Variants in SUCLG2 observed in about 807,000 individuals in gnomAD.
The protein encoded by SUCLG2 is succinate--CoA ligase [GDP-forming] subunit beta, mitochondrial.
SUCLG2 carries 42 observed loss-of-function variants against 47.9 expected under a neutral mutation model. That is an observed-to-expected ratio of 0.88 (90% CI 0.69 to 1.14). The LOEUF (loss-of-function observed/expected upper bound fraction) is 1.14, where lower values mean the gene tolerates loss of function less well. SUCLG2 is among the 50% of genes most tolerant of loss of function. The probability of loss-of-function intolerance (pLI) is 0.00; values close to 1 mark genes in which losing one functional copy is unlikely to be tolerated. For synonymous variants in SUCLG2, 195 were observed against 197.3 expected (o/e 0.99, Z 0.10); for missense variants, 571 against 525.9 (o/e 1.09, Z -0.84).
At chr3:67,408,175 A>G (rs924352240) in intron 9 of SUCLG2, among the ~76,000 whole-genome samples, 11 of 152,162 alleles carry the variant, frequency 7.2e-5, no homozygotes, top group African/African-American at 2.7e-4. Context: ...TACCTTTGGT[A>G]TATTCTTGGA....
chr3:67,388,319 A>G (rs1702303331), intron 10 of SUCLG2, among the ~76,000 whole-genome samples: 2 of 152,216 alleles, frequency 1.3e-5, no homozygotes, highest in Admixed American at 1.3e-4. Context: ...AAAAAGCAAG[A>G]GAGCTTTGGA....
intron 9 of SUCLG2, among the ~76,000 whole-genome samples, chr3:67,464,387 T>C (rs1704419007): frequency 6.6e-6 from 1 of 152,232 alleles, no homozygotes; most frequent in Non-Finnish European, 1.5e-5. Flanking sequence ...CGCTTTTTGA[T>C]CTGGCATTTC....
chr3:67,400,290 G>C (rs1290786196), intron 10 of SUCLG2, among the ~76,000 whole-genome samples: 1 of 151,542 alleles, frequency 6.6e-6, no homozygotes, highest in Admixed American at 6.6e-5. Flanking sequence ...TATTTTTTAA[G>C]AGTTATTTTT....
chr3:67,510,288 T>C (rs1386452413), intron 6 of SUCLG2, among the ~76,000 whole-genome samples: 3 of 152,374 alleles, frequency 2.0e-5, no homozygotes, highest in Admixed American at 6.5e-5. Flanking sequence ...GCTATCTTAA[T>C]GTATTTTATA....
chr3:67,518,225 C>T, intron 6 of SUCLG2, 22 bp downstream of exon 6: 1 of 1,583,208 alleles, frequency 6.3e-7, no homozygotes, highest in Non-Finnish European at 8.6e-7. Context: ...TCAGACACAC[C>T]ATCCCCCAAT....
chr3:67,528,321 C>A, intron 3 of SUCLG2, 99 bp from the exon 4 acceptor site: 1 of 1,032,358 alleles, frequency 9.7e-7, no homozygotes, highest in South Asian at 1.4e-5. Flanking sequence ...GCAAAGGGTT[C>A]ACCTTCACCC....
chr3:67,589,658 G>T (rs190991360), intron 2 of SUCLG2, among the ~76,000 whole-genome samples: 1 of 152,324 alleles, frequency 6.6e-6, no homozygotes, highest in Admixed American at 6.5e-5. Context: ...TCAAGATGGG[G>T]CCTTCCAAGG....
intron 2 of SUCLG2, among the ~76,000 whole-genome samples, chr3:67,605,260 C>T (rs1700388445): frequency 6.6e-6 from 1 of 152,154 alleles, no homozygotes; most frequent in South Asian, 2.1e-4. Context: ...TTCAATCGTG[C>T]TCTTGGTTCT....
intron 1 of SUCLG2, among the ~76,000 whole-genome samples, chr3:67,619,826 GATAAAC>G (rs1445613283): frequency 6.6e-6 from 1 of 152,114 alleles, no homozygotes; most frequent in East Asian, 1.9e-4. Flanking sequence ...ATACAACCTT[GATAAAC>G]ATTAGCATAT....
At chr3:67,633,197 T>C (rs1202545727) in intron 1 of SUCLG2, among the ~76,000 whole-genome samples, 3 of 152,178 alleles carry the variant, frequency 2.0e-5, no homozygotes, top group South Asian at 2.1e-4. Flanking sequence ...TTTAAGGTTA[T>C]TCAAAAGGAC....
intron 1 of SUCLG2, among the ~76,000 whole-genome samples, chr3:67,646,500 C>G (rs939737742): frequency 7.9e-5 from 12 of 151,990 alleles, no homozygotes; most frequent in Non-Finnish European, 1.3e-4. Flanking sequence ...GAGGCTGAGT[C>G]AGGAGAATCA....
At chr3:67,381,885 G>A (rs951709055) in intron 10 of SUCLG2, among the ~76,000 whole-genome samples, 60 of 152,304 alleles carry the variant, frequency 3.9e-4, no homozygotes, top group African/African-American at 1.4e-3. Flanking sequence ...TAAGAGAGCT[G>A]TAAACAAAGA....
chr3:67,645,084 A>G (rs528947985), intron 1 of SUCLG2, among the ~76,000 whole-genome samples: 152 of 152,194 alleles, frequency 1.0e-3, no homozygotes, highest in Non-Finnish European at 1.7e-3. Context: ...TATACTGCCA[A>G]TATTAAGCAA....
intron 2 of SUCLG2, among the ~76,000 whole-genome samples, chr3:67,596,019 T>C (rs904705614): frequency 6.6e-6 from 1 of 152,240 alleles, no homozygotes. Flanking sequence ...ATTTTGTAAA[T>C]GTGCCATTGG....
chr3:67,414,573 A>G (rs1702996392), intron 9 of SUCLG2, among the ~76,000 whole-genome samples: 1 of 152,192 alleles, frequency 6.6e-6, no homozygotes, highest in South Asian at 2.1e-4. Context: ...TTGCTACACA[A>G]TCTATCCAAT....
chr3:67,514,597 C>A (rs1030324107), intron 6 of SUCLG2, among the ~76,000 whole-genome samples: 3 of 152,112 alleles, frequency 2.0e-5, no homozygotes, highest in African/African-American at 7.2e-5. Context: ...CAGAAATGAA[C>A]AGTATAGATG....
At chr3:67,432,902 A>T (rs1481360388) in intron 9 of SUCLG2, among the ~76,000 whole-genome samples, 1 of 152,228 alleles carries the variant, frequency 6.6e-6, no homozygotes, top group Non-Finnish European at 1.5e-5. Flanking sequence ...CACAGTCAGA[A>T]TTTTAAAACG....
At chr3:67,454,827 T>C (rs1704144540) in intron 9 of SUCLG2, among the ~76,000 whole-genome samples, 1 of 151,992 alleles carries the variant, frequency 6.6e-6, no homozygotes, top group South Asian at 2.1e-4. Flanking sequence ...CCGGGCATGG[T>C]AGTGGGCACC....
At chr3:67,591,375 C>G (rs1708161250) in intron 2 of SUCLG2, among the ~76,000 whole-genome samples, 2 of 152,158 alleles carry the variant, frequency 1.3e-5, no homozygotes, top group African/African-American at 4.8e-5. Context: ...TTGAAAAAGT[C>G]AAAACCCCTT....
Sources: gnomAD v4.1 joint callset for allele counts (sites outside exome capture counted in the v4.1 genomes callset) on GRCh38, gnomAD v4.1.1 for gene constraint, MANE v1.5 for transcripts, NCBI Gene and HGNC (gene_info 2026-07-23, HGNC 2026-07-21) for gene names.